ABAT: variants seen among roughly 807,000 people sequenced by gnomAD.
ABAT encodes the protein 4-aminobutyrate aminotransferase.
Under a neutral mutation model 64.6 loss-of-function variants are expected in ABAT, and 45 were observed. That is an observed-to-expected ratio of 0.70 (90% CI 0.55 to 0.89). The LOEUF (loss-of-function observed/expected upper bound fraction) is 0.89. ABAT is among the 40% of genes least tolerant of loss of function. The pLI is 0.00. For synonymous variants in ABAT, 297 were observed against 250.5 expected, an observed-to-expected ratio of 1.19 and a Z score of -1.75; for missense variants, 633 against 658.4, an observed-to-expected ratio of 0.96 and a Z score of 0.42.
chr16:8,690,271 C>A (rs1178196587), intron 1 of ABAT, among the ~76,000 whole-genome samples: 5 of 152,114 alleles, frequency 3.3e-5, no homozygotes, highest in African/African-American at 1.2e-4. Context: ...CTGGAGTGTC[C>A]CTTAAGGTGG....
At chr16:8,746,779 C>G (rs548307239) in intron 3 of ABAT, among the ~76,000 whole-genome samples, 149 of 152,118 alleles carry the variant, frequency 9.8e-4, no homozygotes, top group Non-Finnish European at 1.8e-3. Context: ...TCTCCTACCA[C>G]AGTAATGCTT....
intron 5 of ABAT, among the ~76,000 whole-genome samples, chr16:8,755,311 A>G (rs939346807): frequency 4.6e-5 from 7 of 152,086 alleles, no homozygotes; most frequent in Admixed American, 3.3e-4. Context: ...TGGCATCACC[A>G]TGGACAGGGG....
chr16:8,705,678 C>T (rs1194653285), intron 1 of ABAT, among the ~76,000 whole-genome samples: 7 of 152,284 alleles, frequency 4.6e-5, no homozygotes, highest in Middle Eastern at 3.4e-3. Flanking sequence ...TAGCTGAACT[C>T]CCAGGCAGTT....
intron 1 of ABAT, among the ~76,000 whole-genome samples, chr16:8,697,670 C>G (rs890095939): frequency 6.6e-6 from 1 of 151,274 alleles, no homozygotes; most frequent in African/African-American, 2.4e-5. Flanking sequence ...GGGTCTTGCT[C>G]TGTCACCCAG....
chr16:8,768,401 T>C, intron 10 of ABAT, 145 bp downstream of exon 10: 2 of 930,860 alleles, frequency 2.1e-6, no homozygotes, highest in Non-Finnish European at 3.4e-6. Context: ...TTATTATTCC[T>C]GCTTTGCAGA....
In ABAT at chr16:8,745,998, C is replaced by A; in HGVS notation, c.71-3C>A. 1 of 1,613,430 alleles carries A rather than the reference C, an allele frequency of 6.2e-7. No individual in the cohort carries two copies. Among genetic ancestry groups the A allele is most frequent in the Non-Finnish European group, 8.5e-7 (1 of 1,179,494 alleles). On this transcript the variant is annotated splice_polypyrimidine_tract_variant and splice_region_variant and intron_variant, in intron 2 of 15. Coordinates refer to ENST00000268251, the MANE Select transcript of ABAT (RefSeq NM_020686.6). ...GATTTCTCATTGTCTTTGTTTACTGCAGGATCCAGACACATTAGTCAAGCT... is the reference window on the plus strand; with the variant it reads ...GATTTCTCATTGTCTTTGTTTACTGAAGGATCCAGACACATTAGTCAAGCT...
intron 1 of ABAT, among the ~76,000 whole-genome samples, chr16:8,732,938 T>C (rs866499379): frequency 0.016 from 2,154 of 135,718 alleles, 2 homozygotes; most frequent in African/African-American, 0.043. Context: ...CTGACCCCCC[T>C]ACCTCCCTCC....
intron 4 of ABAT, among the ~76,000 whole-genome samples, chr16:8,748,481 T>G (rs773178124): frequency 1.3e-5 from 2 of 152,206 alleles, no homozygotes; most frequent in Non-Finnish European, 2.9e-5. Context: ...ATATTCCATA[T>G]GTACTTGAGA....
intron 1 of ABAT, among the ~76,000 whole-genome samples, chr16:8,712,667 G>GGGCTGGC (rs2058103100): frequency 6.6e-6 from 1 of 152,098 alleles, no homozygotes; most frequent in Admixed American, 6.6e-5. Context: ...TGGGGGCTGG[G>GGGCTGGC]GGCTGACGTT....
At chr16:8,734,729 T>A (rs62031061) in intron 1 of ABAT, among the ~76,000 whole-genome samples, 13,685 of 152,174 alleles carry the variant, frequency 0.09, 784 homozygotes, top group East Asian at 0.25. Flanking sequence ...TGAGATACAA[T>A]ACCATTTATG....
chr16:8,717,918 A>T (rs8059639), intron 1 of ABAT, among the ~76,000 whole-genome samples: 1 of 151,662 alleles, frequency 6.6e-6, no homozygotes, highest in Admixed American at 6.6e-5. Flanking sequence ...GCCTCCCAAC[A>T]TGCTGGGATT....
At chr16:8,681,889 G>T (rs528318023) in intron 1 of ABAT, among the ~76,000 whole-genome samples, 1 of 151,364 alleles carries the variant, frequency 6.6e-6, no homozygotes, top group East Asian at 1.9e-4. Flanking sequence ...TGATCCACCC[G>T]CCTCGGCCTC....
At chr16:8,742,765 C>A (rs2142544250) in intron 2 of ABAT, among the ~76,000 whole-genome samples, 1 of 149,450 alleles carries the variant, frequency 6.7e-6, no homozygotes, top group South Asian at 2.1e-4. Flanking sequence ...ACTCAGGGGG[C>A]TAAGGTGAGA....
At chr16:8,773,628 T>G (rs759970670) in intron 12 of ABAT, among the ~76,000 whole-genome samples, 8 of 152,208 alleles carry the variant, frequency 5.3e-5, no homozygotes, top group Non-Finnish European at 7.3e-5. Flanking sequence ...ATCACCCTAT[T>G]GTGCTACTGG....
intron 1 of ABAT, among the ~76,000 whole-genome samples, chr16:8,710,713 A>G (rs7499024): frequency 3.4e-4 from 49 of 146,060 alleles, no homozygotes; most frequent in Middle Eastern, 3.5e-3. Flanking sequence ...AGAGAGAGAG[A>G]GAGAGAGAGA....
intron 1 of ABAT, among the ~76,000 whole-genome samples, chr16:8,710,721 A>AGG (rs1567279224): frequency 4.3e-5 from 6 of 138,954 alleles, no homozygotes; most frequent in African/African-American, 1.3e-4. Context: ...AGAGAGAGAG[A>AGG]GAGAGAGAGG....
At chr16:8,721,514 C>T (rs996967265) in intron 1 of ABAT, among the ~76,000 whole-genome samples, 24 of 152,128 alleles carry the variant, frequency 1.6e-4, no homozygotes, top group African/African-American at 5.3e-4. Flanking sequence ...GTGCAGCCAA[C>T]GCTAGAAATT....
chr16:8,779,036 C>T (rs1418517034), intron 14 of ABAT, among the ~76,000 whole-genome samples: 2 of 152,172 alleles, frequency 1.3e-5, no homozygotes, highest in South Asian at 2.1e-4. Context: ...GAAGAGCTGA[C>T]GATGGAGATG....
At chr16:8,745,126 G>A (rs754498283) in intron 2 of ABAT, among the ~76,000 whole-genome samples, 46 of 152,028 alleles carry the variant, frequency 3.0e-4, no homozygotes, top group South Asian at 2.1e-3. Flanking sequence ...GGAACTAAAG[G>A]CATGTACCAC....
Sources: gnomAD v4.1 joint callset for allele counts (sites outside exome capture counted in the v4.1 genomes callset) on GRCh38, gnomAD v4.1.1 for gene constraint, MANE v1.5 for transcripts, NCBI Gene and HGNC (gene_info 2026-07-23, HGNC 2026-07-21) for gene names.